The following PPP3R1 variants were observed in gnomAD, a reference collection of about 807,000 sequenced individuals.
PPP3R1 encodes calcineurin subunit B type 1.
Under a neutral mutation model 22.6 loss-of-function variants are expected in PPP3R1, and 5 were observed. The ratio of observed to expected loss-of-function variants is 0.22; its 90% CI spans 0.12 to 0.46. The LOEUF is 0.46. Among genes scored for constraint, PPP3R1 ranks in the 20% least tolerant of loss-of-function variants. PPP3R1 has a pLI of 0.99. For synonymous variants in PPP3R1, 56 were observed against 65.2 expected (o/e 0.86, Z 0.68); for missense variants, 61 against 203.2 (o/e 0.30, Z 4.25).
chr2:68,247,579 G>A (rs536273483), intron 1 of PPP3R1, among the ~76,000 whole-genome samples: 25 of 152,270 alleles, frequency 1.6e-4, no homozygotes, highest in Non-Finnish European at 3.1e-4. Flanking sequence ...CCAAATAATA[G>A]AAGCCTAGAG....
chr2:68,227,047 G>A (rs913597500), intron 1 of PPP3R1, among the ~76,000 whole-genome samples: 1 of 151,890 alleles, frequency 6.6e-6, no homozygotes, highest in African/African-American at 2.4e-5. Context: ...ACTAGATAAA[G>A]ATGTCTAAAT....
In PPP3R1 at chr2:68,179,266, A is replaced by T. The variant is rs961174627; in HGVS notation, c.*1697T>A. On this transcript the variant is annotated 3_prime_UTR_variant, in exon 6 of 6. Coordinates refer to ENST00000234310, the MANE Select transcript of PPP3R1 (RefSeq NM_000945.4). ...CCATGCCACTGATCCAGAGGAAGAA[A>T]GTTACATGTAGTGGAGATTTTCAGT... 1 of 152,674 alleles carries T rather than the reference A, an allele frequency of 6.5e-6. No homozygotes were observed. The highest frequency in any genetic ancestry group is 2.4e-5 in the African/African-American group (1 of 41,462). The allele number at this position is 152,674 out of a possible 1,614,324, so 9.5% of individuals were successfully genotyped here. A position where few individuals can be genotyped will look rare whatever the true frequency, so the allele number is the denominator to read the frequency against.
chr2:68,189,003 T>A (rs1674606941), intron 2 of PPP3R1, among the ~76,000 whole-genome samples: 1 of 152,156 alleles, frequency 6.6e-6, no homozygotes. Flanking sequence ...GCTAAGCTGA[T>A]CATGGAGGTC....
chr2:68,188,726 A>C (rs114269546), intron 2 of PPP3R1, 36 bp from the exon 3 acceptor site: 10 of 1,523,924 alleles, frequency 6.6e-6, no homozygotes, highest in Non-Finnish European at 7.9e-6. Flanking sequence ...AGAATTTTTT[A>C]AAAATGTTCC....
intron 1 of PPP3R1, among the ~76,000 whole-genome samples, chr2:68,222,615 C>G (rs548713331): frequency 6.6e-6 from 1 of 152,326 alleles, no homozygotes; most frequent in Non-Finnish European, 1.5e-5. Context: ...CAGACTCAGA[C>G]TAGAATTTAT....
At chr2:68,215,584 C>A (rs1224637274) in intron 2 of PPP3R1, among the ~76,000 whole-genome samples, 1 of 152,174 alleles carries the variant, frequency 6.6e-6, no homozygotes, top group Non-Finnish European at 1.5e-5. Flanking sequence ...AATAAAGTAA[C>A]ATTAAGAACT....
intron 1 of PPP3R1, among the ~76,000 whole-genome samples, chr2:68,246,166 C>CCT (rs1406379210): frequency 2.7e-4 from 40 of 149,872 alleles, no homozygotes; most frequent in African/African-American, 9.6e-4. Context: ...CCTCCGCCTC[C>CCT]CGGGTTCAAG....
chr2:68,232,274 T>TAC (rs1322256825), intron 1 of PPP3R1, among the ~76,000 whole-genome samples: 20 of 133,070 alleles, frequency 1.5e-4, no homozygotes, highest in Non-Finnish European at 2.7e-4. Flanking sequence ...TGTATATATA[T>TAC]ATACACACAC....
chr2:68,217,783 T>TA (rs957020082), intron 1 of PPP3R1, among the ~76,000 whole-genome samples: 39 of 152,080 alleles, frequency 2.6e-4, no homozygotes, highest in African/African-American at 8.2e-4. Flanking sequence ...AATTTATATA[T>TA]AAAAAAAGTA....
chr2:68,192,992 G>T (rs2103729738), intron 2 of PPP3R1, among the ~76,000 whole-genome samples: 1 of 152,266 alleles, frequency 6.6e-6, no homozygotes, highest in East Asian at 1.9e-4. Context: ...TCTGATAAAA[G>T]AAAGGGGTTA....
chr2:68,245,716 A>G (rs1670221911), intron 1 of PPP3R1, among the ~76,000 whole-genome samples: 1 of 152,162 alleles, frequency 6.6e-6, no homozygotes, highest in Non-Finnish European at 1.5e-5. Flanking sequence ...AACTCACCTC[A>G]TCTAGTTTCC....
intron 5 of PPP3R1, among the ~76,000 whole-genome samples, chr2:68,183,744 A>AT (rs1674471473): frequency 1.3e-5 from 2 of 152,126 alleles, no homozygotes; most frequent in African/African-American, 4.8e-5. Flanking sequence ...TTTTGAACTT[A>AT]TTTTTTTGGA....
intron 1 of PPP3R1, among the ~76,000 whole-genome samples, chr2:68,246,563 A>C (rs1670240333): frequency 6.6e-6 from 1 of 152,178 alleles, no homozygotes. Context: ...TATCTCCAAA[A>C]GACATCTTTA....
chr2:68,246,013 A>T (rs1381260745), intron 1 of PPP3R1, among the ~76,000 whole-genome samples: 1 of 149,944 alleles, frequency 6.7e-6, no homozygotes, highest in African/African-American at 2.5e-5. Context: ...CTTTGAAAAG[A>T]TTCAAAAGAT....
Position 68,188,548 on chromosome 2 carries a change from G to A in PPP3R1, c.186C>T (p.Phe62=), listed in dbSNP as rs546646019. 24 of 1,609,058 alleles carry A rather than the reference G, an allele frequency of 1.5e-5. No individual in the cohort carries two copies. The highest frequency in any genetic ancestry group is 3.3e-5 in the South Asian group (3 of 90,030). ...NPLVQRVIDI[F]DTDGNGEVDF... is the part of the protein sequence containing the mutation. ...CTACTTCTCCATTCCCATCTGTGTCGAATATATCTATTACTCGCTGTACTA... is the reference window on the plus strand; with the variant it reads ...CTACTTCTCCATTCCCATCTGTGTCAAATATATCTATTACTCGCTGTACTA... The change falls in exon 3 of 6, where the codon TTC becomes TTT. Residue 62 remains phenylalanine, a synonymous_variant. Transcript: ENST00000234310.
At position 68,180,991 on chromosome 2, in the gene PPP3R1, A is replaced by G. The variant is rs1674388222; in HGVS notation, c.485T>C (p.Ile162Thr). Residue 162 changes from isoleucine to threonine, a missense_variant, in exon 6 of 6, where the codon ATC (isoleucine) becomes ACC (threonine). Transcript: ENST00000234310. ...EFCAVVGGLD[I>T]HKKMVVDV ...CACATCTACCACCATCTTTTTGTGG[A>G]TATCTAGGCCACCTACAACCTGCAA... is the stretch of plus-strand genomic sequence containing the variant. 1 of 1,613,636 alleles carries G rather than the reference A, an allele frequency of 6.2e-7. No homozygotes were observed. Among genetic ancestry groups the G allele is most frequent in the Non-Finnish European group, 8.5e-7 (1 of 1,179,566 alleles).
At chr2:68,211,241 C>T (rs1490516848) in intron 2 of PPP3R1, among the ~76,000 whole-genome samples, 1 of 151,766 alleles carries the variant, frequency 6.6e-6, no homozygotes, top group South Asian at 2.1e-4. Flanking sequence ...CCTGTCTCTA[C>T]TAAAAATACA....
chr2:68,252,045 C>G, intron 1 of PPP3R1, 80 bp downstream of exon 1: 1 of 1,295,166 alleles, frequency 7.7e-7, no homozygotes, highest in Non-Finnish European at 1.0e-6. Context: ...CGACCGGGGG[C>G]GTCGGGGCTC....
chr2:68,196,849 G>C (rs569537183), intron 2 of PPP3R1, among the ~76,000 whole-genome samples: 1 of 151,862 alleles, frequency 6.6e-6, no homozygotes, highest in Non-Finnish European at 1.5e-5. Flanking sequence ...CTCAGCCTCC[G>C]GGGTAGCTGA....
Sources: gnomAD v4.1 joint callset for allele counts (sites outside exome capture counted in the v4.1 genomes callset) on GRCh38, gnomAD v4.1.1 for gene constraint, MANE v1.5 for transcripts, NCBI Gene and HGNC (gene_info 2026-07-23, HGNC 2026-07-21) for gene names.